STK31: variants seen among roughly 807,000 people sequenced by gnomAD.
The protein encoded by STK31 is serine/threonine kinase 31.
In STK31, 89 loss-of-function variants were observed where a neutral mutation model predicts 129.7. The ratio of observed to expected loss-of-function variants is 0.69; its 90% CI spans 0.58 to 0.82. The LOEUF is 0.82. STK31 is among the 40% of genes least tolerant of loss of function. STK31 has a pLI of 0.00. For missense variants in STK31, 1,187 were observed against 1,176.4 expected (o/e 1.01, Z -0.13); for synonymous variants, 448 against 395.3 (o/e 1.13, Z -1.58).
intron 10 of STK31, among the ~76,000 whole-genome samples, chr7:23,759,150 T>C (rs1789292856): frequency 6.6e-6 from 1 of 152,210 alleles, no homozygotes; most frequent in Admixed American, 6.5e-5. Context: ...CTTAGAGACC[T>C]ACAAAGAGAC....
At chr7:23,711,185 T>G (rs1785936146) in intron 1 of STK31, among the ~76,000 whole-genome samples, 1 of 152,188 alleles carries the variant, frequency 6.6e-6, no homozygotes, top group African/African-American at 2.4e-5. Context: ...AGGCCTGTAA[T>G]CCCGGCACTT....
intron 15 of STK31, among the ~76,000 whole-genome samples, chr7:23,775,209 C>G (rs1161751611): frequency 6.6e-6 from 1 of 152,148 alleles, no homozygotes; most frequent in Non-Finnish European, 1.5e-5. Context: ...GGCACCAGTA[C>G]CATGCTGTTT....
chr7:23,785,387 G>A (rs908485742), intron 17 of STK31, 91 bp from the exon 18 acceptor site: 37 of 1,523,776 alleles, frequency 2.4e-5, no homozygotes, highest in Non-Finnish European at 3.2e-5. Flanking sequence ...TGGTGTCCAA[G>A]TCATTTAATA....
intron 22 of STK31, among the ~76,000 whole-genome samples, chr7:23,809,306 C>T (rs1792936308): frequency 6.6e-6 from 1 of 152,064 alleles, no homozygotes; most frequent in Non-Finnish European, 1.5e-5. Flanking sequence ...CTTTGACCTC[C>T]TCACAGCCAC....
chr7:23,781,364 A>T, intron 15 of STK31, 55 bp from the exon 16 acceptor site: 1 of 1,339,614 alleles, frequency 7.5e-7, no homozygotes, highest in Non-Finnish European at 1.1e-6. Flanking sequence ...GAATTCTTAA[A>T]AGAAGACTTG....
chr7:23,763,323 C>T (rs374255651), intron 11 of STK31, among the ~76,000 whole-genome samples: 16 of 152,136 alleles, frequency 1.1e-4, no homozygotes, highest in Admixed American at 2.0e-4. Context: ...AGGGAAGTTT[C>T]TCCCTGATGT....
At chr7:23,784,490 T>G (rs1791139740) in intron 17 of STK31, among the ~76,000 whole-genome samples, 2 of 152,198 alleles carry the variant, frequency 1.3e-5, no homozygotes, top group South Asian at 4.1e-4. Flanking sequence ...CAAATAAGTA[T>G]GTACTGCCAC....
chr7:23,717,716 G>A, intron 4 of STK31, 137 bp downstream of exon 4: 1 of 631,236 alleles, frequency 1.6e-6, no homozygotes, highest in Non-Finnish European at 2.8e-6. Context: ...CTACTGTTAT[G>A]GTATATTTAT....
At chr7:23,721,623 G>A (rs9654971) in intron 4 of STK31, 127,386 of 887,102 alleles carry the variant, frequency 0.14, 10,514 homozygotes, top group Non-Finnish European at 0.18. Flanking sequence ...CTAAGTGTGC[G>A]TCGAATGTAA....
In STK31 at chr7:23,832,178, A is replaced by G. The variant is rs1794594216; in HGVS notation, c.2872A>G (p.Arg958Gly). 2 of 1,614,190 alleles carry G rather than the reference A, an allele frequency of 1.2e-6. No individual in the cohort carries two copies. The highest frequency in any genetic ancestry group is 1.7e-5 in the Admixed American group (1 of 60,024). ...KSLLCSLICYRSSMTAEQVLN... is the reference protein window; with the variant it reads ...KSLLCSLICYGSSMTAEQVLN... The stretch of plus-strand genomic sequence containing the variant: ...CCTCCTCTGTAGCTTGATATGTTAT[A>G]GAAGTTCAATGACTGCTGAACAAGT... The change falls in exon 24 of 24, where the codon AGA (arginine) becomes GGA (glycine). Residue 958 changes from arginine to glycine, a missense_variant. By Grantham distance (125) the Arg-to-Gly change is moderately radical (BLOSUM62 -2). Transcript: ENST00000355870.
At chr7:23,745,011 G>A (rs1788265288) in intron 8 of STK31, among the ~76,000 whole-genome samples, 1 of 152,220 alleles carries the variant, frequency 6.6e-6, no homozygotes, top group African/African-American at 2.4e-5. Flanking sequence ...TGGGCACGAT[G>A]TGGGTGATAG....
chr7:23,757,167 A>G (rs1789139967), intron 10 of STK31, among the ~76,000 whole-genome samples: 1 of 151,960 alleles, frequency 6.6e-6, no homozygotes, highest in African/African-American at 2.4e-5. Context: ...TCAATTTCAG[A>G]GTTTTTGTTA....
intron 22 of STK31, among the ~76,000 whole-genome samples, chr7:23,797,780 C>A (rs1418197260): frequency 1.4e-5 from 2 of 144,670 alleles, no homozygotes; most frequent in African/African-American, 5.1e-5. Flanking sequence ...ACTGCAGGAG[C>A]TGGAGACATG....
chr7:23,714,199 A>G (rs536851177), intron 3 of STK31, among the ~76,000 whole-genome samples: 4 of 152,322 alleles, frequency 2.6e-5, no homozygotes, highest in Non-Finnish European at 5.9e-5. Flanking sequence ...AACTTGGGGC[A>G]AATTCGTGTG....
At chr7:23,725,354 AGTGAG>A (rs1417457214) in intron 4 of STK31, among the ~76,000 whole-genome samples, 1,319 of 116,448 alleles carry the variant, frequency 0.011, 18 homozygotes, top group African/African-American at 0.042. Context: ...TGGGCAACAT[AGTGAG>A]ACCCTGTTTC....
intron 8 of STK31, among the ~76,000 whole-genome samples, chr7:23,748,804 A>G (rs954034304): frequency 2.6e-5 from 4 of 152,270 alleles, no homozygotes; most frequent in South Asian, 2.1e-4. Flanking sequence ...TGTCTTATCA[A>G]TAAAGCTTCT....
chr7:23,817,601 A>G (rs1793550763), intron 23 of STK31, among the ~76,000 whole-genome samples: 2 of 152,218 alleles, frequency 1.3e-5, no homozygotes, highest in Non-Finnish European at 2.9e-5. Flanking sequence ...AATGTATGGA[A>G]CCATGTAGTT....
Position 23,717,594 on chromosome 7 carries a change from T to A in STK31, c.249+15T>A, listed in dbSNP as rs780593481. 1.0e-5 allele frequency: 16 copies of A among 1,574,108 alleles called. No homozygotes were observed. The Admixed American group carries it at 2.7e-4, about 27-fold the overall frequency. ...ACCCAAACAAGGTGAGCCATATTCT[T>A]GAATATAATTATTTCATTCCTCCTG... On this transcript the variant is annotated intron_variant, in intron 4 of 23. Coordinates refer to ENST00000355870, the MANE Select transcript of STK31 (RefSeq NM_031414.5).
At chr7:23,798,467 A>G (rs1271548581) in intron 22 of STK31, among the ~76,000 whole-genome samples, 1 of 113,172 alleles carries the variant, frequency 8.8e-6, no homozygotes, top group East Asian at 2.3e-4. Flanking sequence ...AGTAAACATA[A>G]TGCATCACAT....
Sources: allele counts gnomAD v4.1 joint callset (sites outside exome capture counted in the v4.1 genomes callset), GRCh38; gene constraint gnomAD v4.1.1; transcripts MANE v1.5; gene names NCBI Gene and HGNC (gene_info 2026-07-23, HGNC 2026-07-21).